Variants in DOCK7 observed in about 807,000 individuals in gnomAD.
DOCK7 encodes the protein dedicator of cytokinesis 7.
In DOCK7, 138 loss-of-function variants were observed where a neutral mutation model predicts 271.0. That is an observed-to-expected ratio of 0.51 (90% confidence interval 0.44 to 0.59). The LOEUF is 0.59. Among genes scored for constraint, DOCK7 ranks in the 20% least tolerant of loss-of-function variants. The pLI is 0.00. For missense variants in DOCK7, 2,066 were observed against 2,592.4 expected (o/e 0.80, Z 4.41); for synonymous variants, 823 against 876.1 (o/e 0.94, Z 1.07).
chr1:62,675,357 G>A (rs1394746593), intron 1 of DOCK7, among the ~76,000 whole-genome samples: 7 of 152,056 alleles, frequency 4.6e-5, no homozygotes, highest in Non-Finnish European at 7.4e-5. Context: ...GAGCTATAAC[G>A]CACCACTGAA....
At position 62,583,168 on chromosome 1, in the gene DOCK7, T is replaced by C. The variant is rs749593753; in HGVS notation, c.1871+16A>G. 1.9e-6 allele frequency: 3 copies of C among 1,596,792 alleles called. No homozygotes were observed. Among genetic ancestry groups the C allele is most frequent in the East Asian group, 2.2e-5 (1 of 44,704 alleles). ...GAGAAGTGAGTAACTTTGAAAGAAATATTTGAATTCAGTACCTGTTATGAT... is the reference window on the plus strand; with the variant it reads ...GAGAAGTGAGTAACTTTGAAAGAAACATTTGAATTCAGTACCTGTTATGAT... On this transcript the variant is annotated intron_variant, in intron 16 of 49. Coordinates refer to ENST00000635253, the MANE Select transcript of DOCK7 (RefSeq NM_001367561.1).
chr1:62,502,205 T>G (rs1308215955), intron 37 of DOCK7, among the ~76,000 whole-genome samples: 1 of 152,020 alleles, frequency 6.6e-6, no homozygotes, highest in Non-Finnish European at 1.5e-5. Flanking sequence ...AACTAATAAA[T>G]TGGAAAGTTT....
intron 42 of DOCK7, 86 bp downstream of exon 42, chr1:62,488,847 AT>A (rs1283131191): frequency 6.5e-7 from 1 of 1,534,188 alleles, no homozygotes; most frequent in Non-Finnish European, 9.0e-7. Context: ...ATTTCACGGG[AT>A]CTAGTTTGAC....
intron 1 of DOCK7, 92 bp downstream of exon 1, chr1:62,688,135 C>G (rs1220601084): frequency 8.3e-7 from 1 of 1,208,462 alleles, no homozygotes; most frequent in Non-Finnish European, 1.0e-6. Flanking sequence ...GCCGGCCCCG[C>G]CACACCCACC....
intron 21 of DOCK7, among the ~76,000 whole-genome samples, chr1:62,554,001 C>T (rs561673398): frequency 3.3e-5 from 5 of 152,228 alleles, no homozygotes; most frequent in African/African-American, 1.2e-4. Flanking sequence ...CAATTTATTG[C>T]TAACATCTCT....
chr1:62,575,751 T>C (rs1646925339), intron 18 of DOCK7, among the ~76,000 whole-genome samples: 1 of 152,202 alleles, frequency 6.6e-6, no homozygotes, highest in Admixed American at 6.5e-5. Flanking sequence ...ATATTATATG[T>C]CTACAGTCAA....
At chr1:62,651,484 C>T (rs767233600) in intron 4 of DOCK7, among the ~76,000 whole-genome samples, 5 of 143,574 alleles carry the variant, frequency 3.5e-5, no homozygotes, top group African/African-American at 1.0e-4. Context: ...AAAAGTTTAT[C>T]GCATGGCTCG....
At chr1:62,518,218 T>C (rs970286540) in intron 31 of DOCK7, among the ~76,000 whole-genome samples, 2 of 151,586 alleles carry the variant, frequency 1.3e-5, no homozygotes, top group African/African-American at 2.4e-5. Context: ...GGTAAATCAC[T>C]TGAGGCCAGG....
chr1:62,505,474 G>A (rs6669089), intron 36 of DOCK7, among the ~76,000 whole-genome samples: 1 of 152,122 alleles, frequency 6.6e-6, no homozygotes, highest in Non-Finnish European at 1.5e-5. Flanking sequence ...GGTTAAAGGT[G>A]ATTCGAATAA....
In DOCK7 at chr1:62,543,156, T is replaced by A. The variant is rs78147966; in HGVS notation, c.2950-453A>T. Reference sequence around the variant, plus strand: ...TTCAAGTTTTCAGGTAAGGTCTTTTTAAAAAAAAATAGCAGAAGATTTCTG... The same window carrying A: ...TTCAAGTTTTCAGGTAAGGTCTTTTAAAAAAAAAATAGCAGAAGATTTCTG... On this transcript the variant is annotated intron_variant, in intron 24 of 49. Transcript: ENST00000635253. 8.0e-4 allele frequency: 122 copies of A among 152,770 alleles called. 4 individuals are homozygous for A. The East Asian group carries it at 0.023, about 28-fold the overall frequency. The allele number at this position is 152,770 out of a possible 1,614,324, so 9.5% of individuals were successfully genotyped here. A position where few individuals can be genotyped will look rare whatever the true frequency, so the allele number is the denominator to read the frequency against.
chr1:62,559,029 T>C lies in DOCK7; in HGVS notation c.2391A>G (p.Ile797Met), dbSNP rs1443660986. The C allele has an allele frequency of 6.2e-7, 1 of 1,613,408 alleles. No individual in the cohort carries two copies. Among genetic ancestry groups the C allele is most frequent in the East Asian group, 2.2e-5 (1 of 44,878 alleles). Reference protein sequence around the residue: ...RFLHLLLDKLILLVIRPPVIA... With the variant: ...RFLHLLLDKLMLLVIRPPVIA... The stretch of plus-strand genomic sequence containing the variant: ...TGACAGGAGGTCTAATAACTAAAAG[T>C]ATCAGTTTATCTAGCAGAAGATGAA... The change falls in exon 20 of 50, where the codon ATA (isoleucine) becomes ATG (methionine). Residue 797 changes from isoleucine to methionine, a missense_variant. Physicochemically the swap from Ile to Met is conservative, Grantham distance 10 (BLOSUM62 1). This residue lies in a region of DOCK7 where 1,414 missense variants were observed against 1,670.4 expected (regional missense o/e 0.85). Coordinates refer to ENST00000635253, the MANE Select transcript of DOCK7 (RefSeq NM_001367561.1).
rs778462233 is a variant in DOCK7, at chr1:62,578,814, C to T, written c.2010+14G>A. ...TTAGCTCTTTGATCTAAATATTGAA[C>T]CAAAAGGACTCACTGTATATCCAAC... is the stretch of plus-strand genomic sequence containing the variant. On this transcript the variant is annotated intron_variant, in intron 17 of 49. Transcript: ENST00000635253. 5 of 1,546,056 alleles carry T rather than the reference C, an allele frequency of 3.2e-6. No homozygotes were observed. Among genetic ancestry groups the T allele is most frequent in the Non-Finnish European group, 1.7e-6 (2 of 1,150,042 alleles).
intron 15 of DOCK7, among the ~76,000 whole-genome samples, chr1:62,583,815 C>T (rs1405047083): frequency 6.6e-6 from 1 of 152,044 alleles, no homozygotes; most frequent in Non-Finnish European, 1.5e-5. Flanking sequence ...TTTTAATCCA[C>T]CACATTAAAA....
chr1:62,488,894 T>G, intron 42 of DOCK7, 40 bp downstream of exon 42: 3 of 1,612,480 alleles, frequency 1.9e-6, no homozygotes, highest in Non-Finnish European at 2.5e-6. Flanking sequence ...TTCAGACAGT[T>G]TTTTCCCTTT....
At chr1:62,457,190 A>G (rs1329257262) in intron 49 of DOCK7, among the ~76,000 whole-genome samples, 1 of 152,202 alleles carries the variant, frequency 6.6e-6, no homozygotes, top group Non-Finnish European at 1.5e-5. Context: ...TGTCCCGGTT[A>G]ATGAGTACCA....
chr1:62,475,577 C>A, intron 46 of DOCK7, 130 bp downstream of exon 46: 1 of 1,103,144 alleles, frequency 9.1e-7, no homozygotes, highest in Non-Finnish European at 1.3e-6. Context: ...ATTGAGGACT[C>A]AAAAATGGGT....
intron 28 of DOCK7, among the ~76,000 whole-genome samples, chr1:62,536,145 T>G (rs1307322614): frequency 6.6e-6 from 1 of 152,104 alleles, no homozygotes; most frequent in Non-Finnish European, 1.5e-5. Context: ...CTTCAAAATA[T>G]TATAGCATTC....
intron 33 of DOCK7, 52 bp downstream of exon 33, chr1:62,513,392 G>C: frequency 6.7e-7 from 1 of 1,502,336 alleles, no homozygotes; most frequent in South Asian, 1.4e-5. Context: ...TTGAAGACTA[G>C]CAACAATGAT....
At chr1:62,632,313 T>C (rs1253163202) in intron 10 of DOCK7, among the ~76,000 whole-genome samples, 1 of 152,218 alleles carries the variant, frequency 6.6e-6, no homozygotes, top group Non-Finnish European at 1.5e-5. Context: ...CAGAATAAGC[T>C]GCTAGTATAT....
Sources: allele counts gnomAD v4.1 joint callset (sites outside exome capture counted in the v4.1 genomes callset), GRCh38; gene constraint gnomAD v4.1.1; regional missense constraint gnomAD v4.1.1; transcripts MANE v1.5; gene names NCBI Gene and HGNC (gene_info 2026-07-23, HGNC 2026-07-21).